AOPEP: variants seen among roughly 807,000 people sequenced by gnomAD.
AOPEP encodes the protein aminopeptidase O.
AOPEP carries 77 observed loss-of-function variants against 98.1 expected under a neutral mutation model. The observed-to-expected ratio is 0.78, with a 90% CI of 0.65 to 0.95. AOPEP has a LOEUF of 0.95. Among genes scored for constraint, AOPEP ranks in the 40% least tolerant of loss-of-function variants. AOPEP has a pLI of 0.00. For synonymous variants in AOPEP, 346 were observed against 365.3 expected, an observed-to-expected ratio of 0.95 and a Z score of 0.60; for missense variants, 1,024 against 1,024.7, an observed-to-expected ratio of 1.00 and a Z score of 0.01.
intron 11 of AOPEP, among the ~76,000 whole-genome samples, chr9:95,000,497 C>G (rs1432354886): frequency 6.6e-6 from 1 of 152,122 alleles, no homozygotes; most frequent in Non-Finnish European, 1.5e-5. Flanking sequence ...CACCTGAGAT[C>G]AGAAGTTTGA....
chr9:95,054,508 G>A (rs2066656857), intron 13 of AOPEP, among the ~76,000 whole-genome samples: 1 of 152,134 alleles, frequency 6.6e-6, no homozygotes, highest in Admixed American at 6.5e-5. Context: ...AAGAGTTAGG[G>A]GAATAATAGC....
At chr9:95,136,636 G>A in the AOPEP span, among the ~76,000 whole-genome samples, 4 of 152,142 alleles carry the variant, frequency 2.6e-5, no homozygotes, top group Non-Finnish European at 4.4e-5. Flanking sequence ...ACAGGTGCAC[G>A]TCACCACATC....
intron 14 of AOPEP, among the ~76,000 whole-genome samples, chr9:95,063,724 G>C (rs1304874787): frequency 1.3e-5 from 2 of 152,178 alleles, no homozygotes; most frequent in Non-Finnish European, 2.9e-5. Context: ...TGATTGAAAG[G>C]AAGAGGACTC....
intron 13 of AOPEP, among the ~76,000 whole-genome samples, chr9:95,035,413 T>C (rs1364732433): frequency 6.6e-6 from 1 of 151,852 alleles, no homozygotes; most frequent in East Asian, 1.9e-4. Flanking sequence ...TAAGTAAAGG[T>C]ATCTAAGGTG....
intron 5 of AOPEP, among the ~76,000 whole-genome samples, chr9:94,843,203 GT>G (rs1484306129): frequency 6.6e-6 from 1 of 152,094 alleles, no homozygotes; most frequent in East Asian, 1.9e-4. Context: ...GTGCTCCAGG[GT>G]TTCTCAGGCC....
intron 3 of AOPEP, among the ~76,000 whole-genome samples, chr9:94,787,454 A>G (rs1564133788): frequency 6.6e-6 from 1 of 152,222 alleles, no homozygotes; most frequent in Non-Finnish European, 1.5e-5. Flanking sequence ...TGTTTCCACA[A>G]GTATCATCTT....
intron 2 of AOPEP, among the ~76,000 whole-genome samples, chr9:94,766,918 G>C (rs1439242157): frequency 6.6e-6 from 1 of 152,070 alleles, no homozygotes; most frequent in East Asian, 1.9e-4. Context: ...CTCAGCTATT[G>C]GGCCAGGGAA....
the AOPEP span, chr9:95,125,280 T>C: frequency 1.1e-5 from 11 of 973,324 alleles, no homozygotes; most frequent in African/African-American, 1.3e-4. Context: ...AAACACTTTT[T>C]TTGTGCCATA....
the AOPEP span, chr9:95,145,666 T>C: frequency 6.6e-6 from 1 of 152,268 alleles, no homozygotes; most frequent in Non-Finnish European, 1.5e-5. Context: ...ACTAAAGCAG[T>C]GATACTGCCG....
chr9:95,125,140 A>T, the AOPEP span: 3 of 1,614,248 alleles, frequency 1.9e-6, no homozygotes. Flanking sequence ...ACACCTGAAT[A>T]GTGGCTATGA....
At chr9:94,768,315 G>C (rs1371010750) in intron 2 of AOPEP, among the ~76,000 whole-genome samples, 1 of 152,142 alleles carries the variant, frequency 6.6e-6, no homozygotes, top group Non-Finnish European at 1.5e-5. Context: ...AGGGTGACTT[G>C]ATGGACTGTA....
At position 94,980,255 on chromosome 9, in the gene AOPEP, G is replaced by A. The variant is rs1381797031; in HGVS notation, c.1977+828G>A. 6.6e-6 allele frequency among the ~76,000 whole-genome samples: 1 copy of A among 152,252 alleles called. No individual in the cohort carries two copies. The highest frequency in any genetic ancestry group is 1.5e-5 in the Non-Finnish European group (1 of 68,044). On this transcript the variant is annotated intron_variant, in intron 11 of 16. Transcript: ENST00000375315. This position sits in a 1 kb window ranked among gnomAD's most constrained non-coding sequence, Gnocchi z 4.3. ...GAAGTCTGAGGGTGGGATCCCAGAT[G>A]CGCGGTCAGAGGACCCTGCAGGCTG...
chr9:94,779,272 A>T (rs1038249730), intron 3 of AOPEP, among the ~76,000 whole-genome samples: 1 of 152,192 alleles, frequency 6.6e-6, no homozygotes, highest in Non-Finnish European at 1.5e-5. Flanking sequence ...ATAGGCACTG[A>T]TAGGTGGCCT....
At chr9:95,107,376 T>A in the AOPEP span, 1 of 1,246,984 alleles carries the variant, frequency 8.0e-7, no homozygotes, top group Non-Finnish European at 1.1e-6. Context: ...GGGTAAGCAC[T>A]GGCCCCTGAG....
intron 5 of AOPEP, among the ~76,000 whole-genome samples, chr9:94,808,045 CTTTT>C (rs1385115392): frequency 7.0e-6 from 1 of 142,620 alleles, no homozygotes. Context: ...TTTTTTCTTT[CTTTT>C]TTTTTTTTTT....
At chr9:94,919,356 G>A (rs77618286) in intron 5 of AOPEP, among the ~76,000 whole-genome samples, 3 of 152,066 alleles carry the variant, frequency 2.0e-5, no homozygotes, top group African/African-American at 4.8e-5. Context: ...TCAGCCTCCC[G>A]TTTAAAGATA....
chr9:94,847,151 C>CAT, intron 5 of AOPEP, among the ~76,000 whole-genome samples: 1 of 149,672 alleles, frequency 6.7e-6, no homozygotes, highest in South Asian at 2.1e-4. Flanking sequence ...CACACACACA[C>CAT]ACTCTCTCTG....
intron 5 of AOPEP, among the ~76,000 whole-genome samples, chr9:94,888,847 G>T (rs534593844): frequency 6.6e-6 from 1 of 152,102 alleles, no homozygotes; most frequent in Admixed American, 6.5e-5. Flanking sequence ...AGTTATACAT[G>T]CATTATTTTC....
At chr9:94,872,717 T>C (rs2046483087) in intron 5 of AOPEP, among the ~76,000 whole-genome samples, 1 of 152,246 alleles carries the variant, frequency 6.6e-6, no homozygotes, top group Admixed American at 6.5e-5. Flanking sequence ...ATGGATGGTA[T>C]ATTTTCCAAG....
Sources: allele counts gnomAD v4.1 joint callset (sites outside exome capture counted in the v4.1 genomes callset), GRCh38; gene constraint gnomAD v4.1.1; non-coding constraint Gnocchi (gnomAD v3.1); transcripts MANE v1.5; gene names NCBI Gene and HGNC (gene_info 2026-07-23, HGNC 2026-07-21).